Variants in IFT88 observed in about 807,000 individuals in gnomAD.
The protein encoded by IFT88 is intraflagellar transport protein 88 homolog.
Under a neutral mutation model 119.5 loss-of-function variants are expected in IFT88, and 74 were observed. The observed-to-expected ratio is 0.62, with a 90% CI of 0.51 to 0.75. The LOEUF (loss-of-function observed/expected upper bound fraction) is 0.75. IFT88 is among the 30% of genes least tolerant of loss of function. The pLI, the probability that IFT88 is intolerant of heterozygous loss-of-function variation, is 0.00. For synonymous variants in IFT88, 279 were observed against 316.7 expected (o/e 0.88, Z 1.26); for missense variants, 961 against 977.7 (o/e 0.98, Z 0.23).
In IFT88 at chr13:20,656,426, C is replaced by T. The variant is rs147013462; in HGVS notation, c.2064C>T (p.Val688=). 9.1e-5 allele frequency: 134 copies of T among 1,477,308 alleles called. 1 individual carries two copies. The African/African-American group carries it at 1.6e-3, about 18-fold the overall frequency. 91.5% of individuals were successfully genotyped at this position (1,477,308 alleles called of 1,614,324 possible). ...KDTHRKFPEN[V]ECLRFLVRLC... is the part of the protein sequence containing the mutation. ...CTCACAGAAAATTTCCAGAAAATGT[C>T]GAATGTAAGTGGCATTACATAATGT... Residue 688 remains valine (V), a synonymous_variant, in exon 22 of 26, where the codon GTC becomes GTT. Transcript: ENST00000351808.
In IFT88 at chr13:20,589,793, T is replaced by C; in HGVS notation, c.154-18T>C. ...CTCAGTCTGAATCCTGTTAACTATG[T>C]TCTTTTTCCTCCCCAAGATAACTGC... On this transcript the variant is annotated intron_variant, in intron 3 of 25. Transcript: ENST00000351808. 1 of 1,575,820 alleles carries C rather than the reference T, an allele frequency of 6.3e-7. No homozygotes were observed. The highest frequency in any genetic ancestry group is 8.7e-7 in the Non-Finnish European group (1 of 1,150,312).
intron 13 of IFT88, among the ~76,000 whole-genome samples, chr13:20,610,992 T>C (rs2044396936): frequency 6.6e-6 from 1 of 151,654 alleles, no homozygotes; most frequent in South Asian, 2.1e-4. Flanking sequence ...TAACAAAAAC[T>C]GAGGTGGAGG....
Position 20,598,343 on chromosome 13 carries a change from G to C in IFT88, c.595-308G>C, listed in dbSNP as rs932626380. On this transcript the variant is annotated intron_variant, in intron 9 of 25. Transcript: ENST00000351808. ...AGTTCACGATCTTGCTTATTTCTTT[G>C]ATCACCAGCAGCATTAATGATACAC... is the stretch of plus-strand genomic sequence containing the variant. 4.6e-5 allele frequency among the ~76,000 whole-genome samples: 7 copies of C among 152,068 alleles called. No homozygotes were observed. The East Asian group carries it at 1.3e-3, about 29-fold the overall frequency.
intron 13 of IFT88, chr13:20,608,199 GC>G (rs1295035161): frequency 3.5e-6 from 1 of 284,110 alleles, no homozygotes; most frequent in Non-Finnish European, 7.1e-6. Context: ...GGCTTCCCCT[GC>G]CCCCACAGCA....
chr13:20,607,968 C>T (rs1218947097), intron 13 of IFT88: 6 of 608,860 alleles, frequency 9.9e-6, no homozygotes, highest in East Asian at 7.5e-5. Context: ...GGAAGCACCT[C>T]CTCCTGGCAC....
intron 2 of IFT88, among the ~76,000 whole-genome samples, chr13:20,578,907 T>C (rs1422079932): frequency 6.6e-6 from 1 of 152,214 alleles, no homozygotes; most frequent in African/African-American, 2.4e-5. Context: ...CTGATTTTAC[T>C]TATTTTGGTC....
At chr13:20,625,184 A>G (rs1249798504) in intron 14 of IFT88, among the ~76,000 whole-genome samples, 2 of 152,134 alleles carry the variant, frequency 1.3e-5, no homozygotes, top group Non-Finnish European at 2.9e-5. Flanking sequence ...CTTAGTTGAC[A>G]CTCATTTTCT....
At chr13:20,579,464 G>A (rs568024534) in intron 2 of IFT88, among the ~76,000 whole-genome samples, 6 of 152,248 alleles carry the variant, frequency 3.9e-5, no homozygotes, top group Non-Finnish European at 5.9e-5. Context: ...CCAGGGTATC[G>A]CCAATGTTTA....
At chr13:20,613,244 A>T (rs915695293) in intron 13 of IFT88, among the ~76,000 whole-genome samples, 1 of 152,158 alleles carries the variant, frequency 6.6e-6, no homozygotes, top group African/African-American at 2.4e-5. Flanking sequence ...TCAATAATAA[A>T]AAGGCCAATA....
chr13:20,614,792 A>G (rs1441989513), intron 13 of IFT88, among the ~76,000 whole-genome samples: 1 of 150,988 alleles, frequency 6.6e-6, no homozygotes, highest in Non-Finnish European at 1.5e-5. Context: ...TGAATGTTGA[A>G]TGATTTGGAA....
At chr13:20,578,358 C>G (rs1234982005) in intron 2 of IFT88, among the ~76,000 whole-genome samples, 1 of 78,748 alleles carries the variant, frequency 1.3e-5, no homozygotes, top group African/African-American at 5.2e-5. Flanking sequence ...AGTCTTGTTA[C>G]TTTTTTTTTT....
Position 20,573,668 on chromosome 13 carries a change from G to A in IFT88, c.-6-712G>A, listed in dbSNP as rs374974004. On this transcript the variant is annotated intron_variant, in intron 1 of 25. Coordinates refer to ENST00000351808, the MANE Select transcript of IFT88 (RefSeq NM_006531.5). ...ATCATTTTACACTCCCATCAGCAACGTGTGAATACTCTGGTTGCTCCACAT... is the reference window on the plus strand; with the variant it reads ...ATCATTTTACACTCCCATCAGCAACATGTGAATACTCTGGTTGCTCCACAT... Among the ~76,000 whole-genome samples the A allele has an allele frequency of 1.4e-4, 21 of 152,274 alleles. No individual in the cohort carries two copies. The East Asian group carries it at 3.7e-3, about 27-fold the overall frequency.
intron 20 of IFT88, among the ~76,000 whole-genome samples, chr13:20,648,331 G>A (rs2051056659): frequency 6.6e-6 from 1 of 152,178 alleles, no homozygotes; most frequent in Admixed American, 6.5e-5. Context: ...GGGAGGCGGA[G>A]GTTGCAGTGA....
chr13:20,595,802 G>A (rs1451517154), intron 7 of IFT88, among the ~76,000 whole-genome samples: 2 of 152,096 alleles, frequency 1.3e-5, no homozygotes, highest in Non-Finnish European at 2.9e-5. Context: ...CACTTTGGGA[G>A]GCTGAGGAGG....
chr13:20,607,905 C>T, intron 13 of IFT88: 1 of 687,076 alleles, frequency 1.5e-6, no homozygotes, highest in Non-Finnish European at 2.8e-6. Flanking sequence ...TAATGACTGC[C>T]ATCCTCGGGG....
intron 24 of IFT88, among the ~76,000 whole-genome samples, chr13:20,688,751 G>C (rs1254021518): frequency 1.3e-5 from 2 of 151,974 alleles, no homozygotes; most frequent in Non-Finnish European, 2.9e-5. Context: ...TATTAGAGAT[G>C]GGGTCTTGCT....
At chr13:20,643,659 T>C (rs2050297806) in intron 19 of IFT88, 54 bp downstream of exon 19, 3 of 1,281,836 alleles carry the variant, frequency 2.3e-6, no homozygotes, top group African/African-American at 1.5e-5. Flanking sequence ...TGAATTGTTA[T>C]AAAGAAGGCA....
rs1455182903 is a variant in IFT88, at chr13:20,671,142, C to T, written c.2242+103C>T. 5 of 879,358 alleles carry T rather than the reference C, an allele frequency of 5.7e-6. 1 individual carries two copies. Among genetic ancestry groups the T allele is most frequent in the Middle Eastern group, 2.2e-4 (1 of 4,514 alleles). 54.5% of individuals were successfully genotyped at this position (879,358 alleles called of 1,614,324 possible). ...ATCTAAAGTGTTCTTATGTGTCTGT[C>T]GGTTTGTTCTATACACAGTGAAACT... On this transcript the variant is annotated intron_variant, in intron 24 of 25. Coordinates refer to ENST00000351808, the MANE Select transcript of IFT88 (RefSeq NM_006531.5).
Position 20,589,792 on chromosome 13 carries a change from G to A in IFT88, c.154-19G>A, listed in dbSNP as rs370758795. The A allele has an allele frequency of 6.4e-7, 1 of 1,570,636 alleles. No homozygotes were observed. The highest frequency in any genetic ancestry group is 8.7e-7 in the Non-Finnish European group (1 of 1,146,622). ...GCTCAGTCTGAATCCTGTTAACTAT[G>A]TTCTTTTTCCTCCCCAAGATAACTG... On this transcript the variant is annotated intron_variant, in intron 3 of 25. Coordinates refer to ENST00000351808, the MANE Select transcript of IFT88 (RefSeq NM_006531.5).
Sources: gnomAD v4.1 joint callset for allele counts (sites outside exome capture counted in the v4.1 genomes callset) on GRCh38, gnomAD v4.1.1 for gene constraint, MANE v1.5 for transcripts, NCBI Gene and HGNC (gene_info 2026-07-23, HGNC 2026-07-21) for gene names.